B3GALNT2: variants seen among roughly 807,000 people sequenced by gnomAD.
The protein encoded by B3GALNT2 is UDP-GalNAc:beta-1,3-N-acetylgalactosaminyltransferase 2.
A neutral mutation model predicts 61.1 loss-of-function variants in B3GALNT2; 53 were observed. The observed-to-expected ratio is 0.87, with a 90% CI of 0.70 to 1.09. The LOEUF (loss-of-function observed/expected upper bound fraction) is 1.09, where lower values mean the gene tolerates loss of function less well. Among genes scored for constraint, B3GALNT2 ranks in the 50% least tolerant of loss-of-function variants. The probability of loss-of-function intolerance (pLI) is 0.00; values close to 1 mark genes in which losing one functional copy is unlikely to be tolerated. For synonymous variants in B3GALNT2, 223 were observed against 237.4 expected (o/e 0.94, Z 0.56); for missense variants, 544 against 623.0 (o/e 0.87, Z 1.35).
At chr1:235,443,401 C>T (rs1027625741), downstream of B3GALNT2, among the ~76,000 whole-genome samples, 18 of 152,058 alleles carry the variant, frequency 1.2e-4, no homozygotes, top group Admixed American at 3.9e-4. Context: ...GGGTTTTCGC[C>T]ATGTTGCCCA....
intron 7 of B3GALNT2, among the ~76,000 whole-genome samples, chr1:235,460,468 A>G (rs1683369716): frequency 6.6e-6 from 1 of 151,510 alleles, no homozygotes; most frequent in African/African-American, 2.4e-5. Context: ...AAAAAAAAAA[A>G]AAAATTAGAA....
At chr1:235,441,459 T>C in the B3GALNT2 span, 1 of 287,686 alleles carries the variant, frequency 3.5e-6, no homozygotes, top group East Asian at 8.9e-5. Flanking sequence ...TTTGAAGTAT[T>C]TGAAGGCAGT....
chr1:235,474,651 CT>C (rs1294973815), intron 5 of B3GALNT2, among the ~76,000 whole-genome samples: 1 of 151,852 alleles, frequency 6.6e-6, no homozygotes, highest in East Asian at 1.9e-4. Flanking sequence ...GAAACCCTGT[CT>C]GTATTAAAAA....
At chr1:235,503,304 AAGAAGACAAG>A (rs1432496035) in intron 1 of B3GALNT2, among the ~76,000 whole-genome samples, 1 of 152,240 alleles carries the variant, frequency 6.6e-6, no homozygotes, top group Middle Eastern at 3.2e-3. Context: ...GCCCTTAAAG[AAGAAGACAAG>A]AGATACAGGG....
chr1:235,453,783 T>G (rs1683038564), intron 10 of B3GALNT2, among the ~76,000 whole-genome samples: 1 of 152,090 alleles, frequency 6.6e-6, no homozygotes, highest in Admixed American at 6.6e-5. Context: ...GCTGAAAACA[T>G]AATAAGTAGG....
chr1:235,457,914 T>TC lies in B3GALNT2; in HGVS notation c.1025+688dup, dbSNP rs926205578. Among the ~76,000 whole-genome samples, 3 of 151,350 alleles carry TC rather than the reference T, an allele frequency of 2.0e-5. No homozygotes were observed. The East Asian group carries it at 5.8e-4, about 29-fold the overall frequency. ...AATGAATCAACTTTTTTTTTTTTTT[T>TC]CTTTTTTTTTGAGACGGAGTCTCAC... is the stretch of plus-strand genomic sequence containing the variant. On this transcript the variant is annotated intron_variant, in intron 8 of 11. Transcript: ENST00000366600.
chr1:235,466,348 C>T (rs548860325), intron 6 of B3GALNT2, among the ~76,000 whole-genome samples: 13 of 150,644 alleles, frequency 8.6e-5, no homozygotes, highest in Admixed American at 4.6e-4. Context: ...GGATTACAGG[C>T]GTGAGCCACC....
intron 6 of B3GALNT2, 65 bp downstream of exon 6, chr1:235,470,785 G>A: frequency 1.9e-6 from 3 of 1,553,522 alleles, no homozygotes; most frequent in Non-Finnish European, 2.6e-6. Flanking sequence ...GTAAATTTTA[G>A]AACAATTTTA....
In B3GALNT2 at chr1:235,459,054, C is replaced by T. The variant is rs535446581; in HGVS notation, c.842-268G>A. Among the ~76,000 whole-genome samples the T allele has an allele frequency of 5.4e-4, 82 of 151,850 alleles. 1 individual carries two copies. The highest frequency in any genetic ancestry group is 1.9e-3 in the African/African-American group (79 of 41,398). On this transcript the variant is annotated intron_variant, in intron 7 of 11. Coordinates refer to ENST00000366600, the MANE Select transcript of B3GALNT2 (RefSeq NM_152490.5). ...CAGTTGAGGCCACTTGTAGATATAT[C>T]CCTACTAACATTATTTCACATGAGG...
Position 235,466,054 on chromosome 1 carries a change from G to A in B3GALNT2, c.763-340C>T, listed in dbSNP as rs145698275. Among the ~76,000 whole-genome samples, 556 of 151,954 alleles carry A rather than the reference G, an allele frequency of 3.7e-3. 6 individuals carry two copies. Among genetic ancestry groups the A allele is most frequent in the African/African-American group, 0.013 (538 of 41,458 alleles). On this transcript the variant is annotated intron_variant, in intron 6 of 11. Transcript: ENST00000366600. Reference sequence around the variant, plus strand: ...CACCACTTAAAAAAATATGTATTACGACCTTTGATTTTTTGGAAACTAAAA... The same window carrying A: ...CACCACTTAAAAAAATATGTATTACAACCTTTGATTTTTTGGAAACTAAAA...
rs149568515 is a variant in B3GALNT2, at chr1:235,483,558, G to A, written c.555+764C>T. Among the ~76,000 whole-genome samples, 1,259 of 152,248 alleles carry A rather than the reference G, an allele frequency of 8.3e-3. 14 individuals carry two copies. Among genetic ancestry groups the A allele is most frequent in the African/African-American group, 0.029 (1,212 of 41,532 alleles). On this transcript the variant is annotated intron_variant, in intron 4 of 11. Transcript: ENST00000366600. ...AGGCCGAGAAGGGCAGATCACTTGA[G>A]GTCAGGAGTTTGACACCAGCCTAGC...
chr1:235,444,601 C>T (rs952520190), downstream of B3GALNT2, among the ~76,000 whole-genome samples: 4 of 152,104 alleles, frequency 2.6e-5, no homozygotes, highest in East Asian at 5.8e-4. Context: ...GATGAAGCCT[C>T]GCTATGTTGC....
chr1:235,454,219 A>G lies in B3GALNT2; in HGVS notation c.1248T>C (p.Tyr416=). 1 of 1,613,720 alleles carries G rather than the reference A, an allele frequency of 6.2e-7. No homozygotes were observed. Among genetic ancestry groups the G allele is most frequent in the African/African-American group, 1.3e-5 (1 of 75,008 alleles). The change falls in exon 10 of 12, where the codon TAT becomes TAC. Residue 416 remains tyrosine (Y), a synonymous_variant. Coordinates refer to ENST00000366600, the MANE Select transcript of B3GALNT2 (RefSeq NM_152490.5). ...ACTTGACGATGTCCTTGGAGATCAC[A>G]TATCCTGACCCACATGCAAAGGCAG... The part of the protein sequence containing the change: ...AYPAFACGSG[Y]VISKDIVKWL...
intron 3 of B3GALNT2, among the ~76,000 whole-genome samples, chr1:235,487,467 G>T (rs895354765): frequency 6.6e-6 from 1 of 152,102 alleles, no homozygotes; most frequent in Non-Finnish European, 1.5e-5. Flanking sequence ...CCCCATGAGG[G>T]AGATTCTTTT....
the B3GALNT2 span, chr1:235,440,769 A>T: frequency 6.6e-6 from 1 of 151,788 alleles, no homozygotes; most frequent in African/African-American, 2.4e-5. Context: ...GTTCTGCAGT[A>T]AGCTCTCGTC....
Position 235,450,326 on chromosome 1 carries a change from C to T in B3GALNT2, c.1383G>A (p.Leu461=). ...GPKRYQDSLW[L]CEKTCETGML... is the part of the protein sequence containing the mutation. ...TTCCTGTCTCACAGGTCTTCTCACA[C>T]AGCCACAGACTGTCCTGTTGAGAAA... is the stretch of plus-strand genomic sequence containing the variant. Residue 461 remains leucine, a synonymous_variant, in exon 12 of 12, where the codon CTG becomes CTA. Transcript: ENST00000366600. The T allele has an allele frequency of 6.2e-7, 1 of 1,614,060 alleles. No individual in the cohort carries two copies. The highest frequency in any genetic ancestry group is 8.5e-7 in the Non-Finnish European group (1 of 1,179,900).
At chr1:235,443,158 A>G (rs1290962538), downstream of B3GALNT2, among the ~76,000 whole-genome samples, 1 of 149,858 alleles carries the variant, frequency 6.7e-6, no homozygotes, top group Non-Finnish European at 1.5e-5. Context: ...AAGCCCCTGC[A>G]TATAATTACA....
chr1:235,484,572 G>C (rs1333254419), intron 3 of B3GALNT2, 57 bp from the exon 4 acceptor site: 85 of 1,520,860 alleles, frequency 5.6e-5, no homozygotes, highest in Non-Finnish European at 7.0e-5. Flanking sequence ...TGTTTTACTA[G>C]TAAGAAGTAG....
chr1:235,476,948 C>G (rs1458450205), intron 5 of B3GALNT2, among the ~76,000 whole-genome samples: 1 of 151,588 alleles, frequency 6.6e-6, no homozygotes, highest in African/African-American at 2.4e-5. Flanking sequence ...TCATTTGAGC[C>G]CATATGGTTG....
Sources: gnomAD v4.1 joint callset for allele counts (sites outside exome capture counted in the v4.1 genomes callset) on GRCh38, gnomAD v4.1.1 for gene constraint, MANE v1.5 for transcripts, NCBI Gene and HGNC (gene_info 2026-07-23, HGNC 2026-07-21) for gene names.